The following SRPK2 variants were observed in gnomAD, a reference collection of about 807,000 sequenced individuals.
The protein encoded by SRPK2 is SRSF protein kinase 2.
Under a neutral mutation model 90.8 loss-of-function variants are expected in SRPK2, and 21 were observed. That is an observed-to-expected ratio of 0.23 (90% CI 0.16 to 0.33). The LOEUF (loss-of-function observed/expected upper bound fraction) is 0.33. SRPK2 is among the 10% of genes least tolerant of loss of function. SRPK2 has a pLI of 1.00. For synonymous variants in SRPK2, 288 were observed against 311.1 expected (o/e 0.93, Z 0.78); for missense variants, 620 against 869.0 (o/e 0.71, Z 3.60).
intron 2 of SRPK2, among the ~76,000 whole-genome samples, chr7:105,311,487 C>T (rs1342645281): frequency 6.6e-6 from 1 of 152,196 alleles, no homozygotes; most frequent in Non-Finnish European, 1.5e-5. Context: ...CCTGCCTAGG[C>T]CTCCCAAAGT....
chr7:105,385,813 C>T (rs910291551), intron 2 of SRPK2, among the ~76,000 whole-genome samples: 46 of 152,298 alleles, frequency 3.0e-4, no homozygotes, highest in African/African-American at 1.1e-3. Flanking sequence ...ACGGTGCCTA[C>T]CTCTTAGGGT....
chr7:105,244,594 A>T (rs911528610), intron 2 of SRPK2: 1 of 638,242 alleles, frequency 1.6e-6, no homozygotes, highest in Non-Finnish European at 2.8e-6. Flanking sequence ...AAAAAATCCC[A>T]GAGTTCCACG....
chr7:105,156,412 G>C (rs1166876712), intron 7 of SRPK2, among the ~76,000 whole-genome samples: 1 of 152,204 alleles, frequency 6.6e-6, no homozygotes, highest in African/African-American at 2.4e-5. Flanking sequence ...CTGGCACATA[G>C]TAAGCACTGA....
chr7:105,240,530 A>C (rs1258776131), intron 2 of SRPK2, among the ~76,000 whole-genome samples: 1 of 152,152 alleles, frequency 6.6e-6, no homozygotes, highest in Admixed American at 6.5e-5. Context: ...GTGATTTATT[A>C]TGTTTTCTAC....
At chr7:105,391,269 G>A (rs911028888), upstream of SRPK2, among the ~76,000 whole-genome samples, 3 of 151,938 alleles carry the variant, frequency 2.0e-5, no homozygotes, top group Admixed American at 2.0e-4. Context: ...GCAATGGCAC[G>A]ATCTCAGCTC....
intron 2 of SRPK2, among the ~76,000 whole-genome samples, chr7:105,284,846 C>A (rs1807849576): frequency 1.3e-5 from 2 of 152,204 alleles, no homozygotes. Context: ...GCCAAATGGG[C>A]TGGGTCTACT....
At chr7:105,253,655 C>T (rs563900379) in intron 2 of SRPK2, among the ~76,000 whole-genome samples, 1 of 152,196 alleles carries the variant, frequency 6.6e-6, no homozygotes, top group Non-Finnish European at 1.5e-5. Context: ...TGAGACTACA[C>T]AGAGAGCACG....
chr7:105,340,830 A>G (rs1815683074), intron 2 of SRPK2, among the ~76,000 whole-genome samples: 2 of 152,192 alleles, frequency 1.3e-5, no homozygotes, highest in East Asian at 3.8e-4. Flanking sequence ...AGCTTTCAAG[A>G]GAATCAGAAT....
chr7:105,161,987 A>C (rs1224336066), intron 6 of SRPK2, among the ~76,000 whole-genome samples: 2 of 152,122 alleles, frequency 1.3e-5, no homozygotes, highest in Non-Finnish European at 2.9e-5. Flanking sequence ...GGCTAAAGAT[A>C]CTCTCTTGCC....
chr7:105,253,475 C>T (rs1157170298), intron 2 of SRPK2, among the ~76,000 whole-genome samples: 1 of 152,160 alleles, frequency 6.6e-6, no homozygotes, highest in Non-Finnish European at 1.5e-5. Flanking sequence ...CTTTCTTTGC[C>T]ACCTGGTCAC....
chr7:105,123,203 C>A (rs1022769033), intron 15 of SRPK2, among the ~76,000 whole-genome samples: 3 of 152,188 alleles, frequency 2.0e-5, no homozygotes, highest in African/African-American at 7.2e-5. Context: ...GCTGTAATTA[C>A]ATTCCCTGAC....
intron 2 of SRPK2, among the ~76,000 whole-genome samples, chr7:105,218,060 C>T (rs995955180): frequency 7.2e-5 from 11 of 152,092 alleles, no homozygotes; most frequent in African/African-American, 2.2e-4. Flanking sequence ...TAGGAAAGGG[C>T]GTTCTAGGCA....
chr7:105,317,041 C>A (rs1170585055), intron 2 of SRPK2, among the ~76,000 whole-genome samples: 2 of 152,148 alleles, frequency 1.3e-5, no homozygotes, highest in African/African-American at 2.4e-5. Context: ...GAAGAGCAGC[C>A]AAAGCAACTC....
chr7:105,175,106 C>T (rs530111066), intron 3 of SRPK2, among the ~76,000 whole-genome samples: 1 of 151,396 alleles, frequency 6.6e-6, no homozygotes, highest in Admixed American at 6.6e-5. Context: ...CACCACTGCA[C>T]TGCAGCCTGG....
intron 2 of SRPK2, chr7:105,269,027 G>A: frequency 1.5e-6 from 2 of 1,322,310 alleles, no homozygotes; most frequent in Non-Finnish European, 9.8e-7. Flanking sequence ...GCTATAAAGG[G>A]AAAAAGCTCC....
At chr7:105,387,994 C>T (rs1321462484) in intron 2 of SRPK2, among the ~76,000 whole-genome samples, 1 of 152,128 alleles carries the variant, frequency 6.6e-6, no homozygotes, top group Admixed American at 6.5e-5. Flanking sequence ...GCCCGCAGCG[C>T]ACCCAAGTCA....
chr7:105,213,830 G>A (rs1397052965), intron 2 of SRPK2, among the ~76,000 whole-genome samples: 1 of 152,144 alleles, frequency 6.6e-6, no homozygotes, highest in Admixed American at 6.6e-5. Flanking sequence ...ATTGCCTCAT[G>A]CTATTCAGGA....
chr7:105,344,902 G>C (rs552089342), intron 2 of SRPK2, among the ~76,000 whole-genome samples: 3 of 150,898 alleles, frequency 2.0e-5, no homozygotes, highest in African/African-American at 7.3e-5. Context: ...TTTGGAGGCC[G>C]AAGTGGGTGG....
intron 3 of SRPK2, among the ~76,000 whole-genome samples, chr7:105,170,877 A>AAGG (rs1465462248): frequency 2.7e-4 from 36 of 133,356 alleles, no homozygotes; most frequent in Admixed American, 5.6e-4. Context: ...GAAAGAAAGA[A>AAGG]AGAAAGAAAG....
Sources: allele counts gnomAD v4.1 joint callset (sites outside exome capture counted in the v4.1 genomes callset), GRCh38; gene constraint gnomAD v4.1.1; transcripts MANE v1.5; gene names NCBI Gene and HGNC (gene_info 2026-07-23, HGNC 2026-07-21).